Variants in TRIM24 observed in about 807,000 individuals in gnomAD.
TRIM24 encodes tripartite motif containing 24.
In TRIM24, 29 loss-of-function variants were observed where a neutral mutation model predicts 123.9. The ratio of observed to expected loss-of-function variants is 0.23; its 90% CI spans 0.17 to 0.32. The LOEUF (loss-of-function observed/expected upper bound fraction) is 0.32, where lower values mean the gene tolerates loss of function less well. TRIM24 is among the 10% of genes least tolerant of loss of function. The pLI, the probability that TRIM24 is intolerant of heterozygous loss-of-function variation, is 1.00. For synonymous variants in TRIM24, 456 were observed against 461.1 expected (o/e 0.99, Z 0.14); for missense variants, 932 against 1,295.3 (o/e 0.72, Z 4.31).
chr7:138,572,899 A>G (rs1186406919), intron 11 of TRIM24, among the ~76,000 whole-genome samples: 1 of 152,252 alleles, frequency 6.6e-6, no homozygotes, highest in African/African-American at 2.4e-5. Flanking sequence ...GTTATATTAA[A>G]GCAAGAATCT....
intron 14 of TRIM24, among the ~76,000 whole-genome samples, chr7:138,578,210 A>G (rs938543477): frequency 2.0e-5 from 3 of 152,210 alleles, no homozygotes; most frequent in East Asian, 1.9e-4. Flanking sequence ...GAGTCTTAGT[A>G]AAAACAAAAA....
chr7:138,563,694 C>T (rs1036016846), intron 9 of TRIM24, among the ~76,000 whole-genome samples: 3 of 152,182 alleles, frequency 2.0e-5, no homozygotes, highest in African/African-American at 4.8e-5. Context: ...TTTTCAGAGG[C>T]CTCAGGGTCA....
In TRIM24 at chr7:138,560,203, T is replaced by A. The variant is rs1243910365; in HGVS notation, c.1530+5237T>A. ...AGTGTCCAATTCATGTGTTCCACTT[T>A]TCCTGAACTCTGTGGCTTATAGGCT... On this transcript the variant is annotated intron_variant, in intron 9 of 18. Transcript: ENST00000343526. 3.3e-5 allele frequency among the ~76,000 whole-genome samples: 5 copies of A among 152,364 alleles called. No individual in the cohort carries two copies. The East Asian group carries it at 9.6e-4, about 29-fold the overall frequency.
chr7:138,498,585 T>G (rs1584701460), intron 1 of TRIM24, among the ~76,000 whole-genome samples: 1 of 152,362 alleles, frequency 6.6e-6, no homozygotes, highest in South Asian at 2.1e-4. Context: ...ATGTTATATC[T>G]TGGTGAATAT....
At chr7:138,582,044 T>C (rs2116694242) in intron 17 of TRIM24, among the ~76,000 whole-genome samples, 1 of 152,314 alleles carries the variant, frequency 6.6e-6, no homozygotes. Context: ...TAATTTTCTG[T>C]ATTTCAGGAG....
chr7:138,533,989 T>A (rs1241631716), intron 6 of TRIM24, among the ~76,000 whole-genome samples: 3 of 152,224 alleles, frequency 2.0e-5, no homozygotes, highest in African/African-American at 7.2e-5. Context: ...CTAAATTTTC[T>A]AGTTTATTTG....
chr7:138,584,070 G>C, intron 18 of TRIM24, 71 bp downstream of exon 18: 1 of 1,498,168 alleles, frequency 6.7e-7, no homozygotes. Flanking sequence ...TAAACACCTT[G>C]TCAACATAGG....
At position 138,567,471 on chromosome 7, in the gene TRIM24, T is replaced by A. The variant is rs761035480; in HGVS notation, c.1531-10T>A. 1.9e-6 allele frequency: 3 copies of A among 1,597,778 alleles called. No homozygotes were observed. The highest frequency in any genetic ancestry group is 2.6e-6 in the Non-Finnish European group (3 of 1,173,888). Reference sequence around the variant, plus strand: ...ATTGTTACTAAATTGGTTTAATTTCTTTTTTCTAGCAACCGCCTCCACGTT... The same window carrying A: ...ATTGTTACTAAATTGGTTTAATTTCATTTTTCTAGCAACCGCCTCCACGTT... On this transcript the variant is annotated splice_polypyrimidine_tract_variant and intron_variant, in intron 9 of 18. Transcript: ENST00000343526.
At chr7:138,530,904 CCTGA>C (rs1244328033) in intron 6 of TRIM24, among the ~76,000 whole-genome samples, 1 of 151,620 alleles carries the variant, frequency 6.6e-6, no homozygotes, top group Non-Finnish European at 1.5e-5. Flanking sequence ...TGCAACCACA[CCTGA>C]CTAATTTTTT....
chr7:138,584,966 A>C lies in TRIM24; in HGVS notation c.*15A>C, dbSNP rs1191314915. On this transcript the variant is annotated 3_prime_UTR_variant, in exon 19 of 19. Coordinates refer to ENST00000343526, the MANE Select transcript of TRIM24 (RefSeq NM_015905.3). ...TGCTTAAATAATATGCAGCACCACT[A>C]GCTTGTGCTGGTTTTTAGATTTTTT... 6.4e-7 allele frequency: 1 copy of C among 1,567,424 alleles called. No homozygotes were observed. The highest frequency in any genetic ancestry group is 1.4e-5 in the African/African-American group (1 of 72,514).
chr7:138,555,124 A>G (rs1797289247), intron 9 of TRIM24, among the ~76,000 whole-genome samples, 158 bp downstream of exon 9: 1 of 152,256 alleles, frequency 6.6e-6, no homozygotes, highest in East Asian at 1.9e-4. Flanking sequence ...CTAGTTTTTA[A>G]TCCCTACTTA....
At chr7:138,500,500 C>T (rs1796013074) in intron 1 of TRIM24, among the ~76,000 whole-genome samples, 2 of 147,648 alleles carry the variant, frequency 1.4e-5, no homozygotes, top group Non-Finnish European at 3.0e-5. Context: ...GAGGTGGAGG[C>T]TACAGTGAGC....
chr7:138,505,509 G>GTTGTTGTTGTT (rs1554436148), intron 2 of TRIM24, among the ~76,000 whole-genome samples: 337 of 143,924 alleles, frequency 2.3e-3, no homozygotes, highest in Non-Finnish European at 3.5e-3. Flanking sequence ...TGGGGGTGGT[G>GTTGTTGTTGTT]GTTGTTGTTG....
intron 16 of TRIM24, 26 bp from the exon 17 acceptor site, chr7:138,581,671 C>G: frequency 6.4e-7 from 1 of 1,559,804 alleles, no homozygotes; most frequent in Non-Finnish European, 8.8e-7. Flanking sequence ...AATATTTTAT[C>G]TCAGTTTTTA....
At chr7:138,572,680 A>C (rs747006969) in intron 11 of TRIM24, among the ~76,000 whole-genome samples, 2 of 152,216 alleles carry the variant, frequency 1.3e-5, no homozygotes, top group African/African-American at 2.4e-5. Flanking sequence ...TGTAGGACTT[A>C]ATTATCTTAT....
chr7:138,518,882 A>G (rs1275131171), intron 3 of TRIM24, among the ~76,000 whole-genome samples: 2 of 152,208 alleles, frequency 1.3e-5, no homozygotes, highest in African/African-American at 4.8e-5. Context: ...CTCATTTACC[A>G]GGGCTGTCTT....
chr7:138,523,532 G>A (rs1563045140), intron 4 of TRIM24, among the ~76,000 whole-genome samples: 2 of 152,108 alleles, frequency 1.3e-5, no homozygotes, highest in Non-Finnish European at 2.9e-5. Flanking sequence ...GAGGCGGGCG[G>A]ATCACAAGGT....
rs999372799 is a variant in TRIM24, at chr7:138,484,170, C to T, written c.365-20120C>T. Among the ~76,000 whole-genome samples, 6 of 150,962 alleles carry T rather than the reference C, an allele frequency of 4.0e-5. No individual in the cohort carries two copies. In the East Asian group the frequency reaches 7.8e-4, roughly 20 times the overall value. On this transcript the variant is annotated intron_variant, in intron 1 of 18. Coordinates refer to ENST00000343526, the MANE Select transcript of TRIM24 (RefSeq NM_015905.3). ...TGTTGCCCAGGCTGGAGTGCAATGG[C>T]GCGATCTTGTCTCACCTCAACCTCC...
At chr7:138,463,225 T>TTTCC (rs781611170) in intron 1 of TRIM24, among the ~76,000 whole-genome samples, 6 of 149,226 alleles carry the variant, frequency 4.0e-5, no homozygotes, top group African/African-American at 7.4e-5. Flanking sequence ...AAGGTTGGTT[T>TTTCC]TTCCTTCCTT....
Sources: gnomAD v4.1 joint callset for allele counts (sites outside exome capture counted in the v4.1 genomes callset) on GRCh38, gnomAD v4.1.1 for gene constraint, MANE v1.5 for transcripts, NCBI Gene and HGNC (gene_info 2026-07-23, HGNC 2026-07-21) for gene names.